Variants in UGT1A10 observed in about 807,000 individuals in gnomAD.
UGT1A10 encodes UDP glucuronosyltransferase family 1 member A10, also known as UDP-glucuronosyltransferase 1A10.
A neutral mutation model predicts 45.8 loss-of-function variants in UGT1A10; 49 were observed. The observed-to-expected ratio is 1.07, with a 90% CI of 0.85 to 1.36. The LOEUF (loss-of-function observed/expected upper bound fraction) is 1.36. Among genes scored for constraint, UGT1A10 ranks in the 40% most tolerant of loss-of-function variants. UGT1A10 has a pLI of 0.00. For synonymous variants in UGT1A10, 284 were observed against 249.7 expected (o/e 1.14, Z -1.29); for missense variants, 745 against 668.6 (o/e 1.11, Z -1.26).
intron 1 of UGT1A10, among the ~76,000 whole-genome samples, chr2:233,684,669 A>G (rs2074690541): frequency 6.6e-6 from 1 of 152,172 alleles, no homozygotes; most frequent in African/African-American, 2.4e-5. Flanking sequence ...TAAGGAATAT[A>G]CATATGATAG....
chr2:233,713,168 G>T (rs773495849), intron 1 of UGT1A10: 1 of 1,614,094 alleles, frequency 6.2e-7, no homozygotes, highest in Non-Finnish European at 8.5e-7. Context: ...ACCAGGTGGT[G>T]GTCCTCACCC....
At chr2:233,692,518 G>A (rs745597997) in intron 1 of UGT1A10, among the ~76,000 whole-genome samples, 2 of 152,138 alleles carry the variant, frequency 1.3e-5, no homozygotes, top group Admixed American at 6.5e-5. Context: ...TGTGGGGTCC[G>A]TGCTAACTCA....
At chr2:233,731,192 A>C (rs1451773849) in intron 1 of UGT1A10, among the ~76,000 whole-genome samples, 1 of 152,106 alleles carries the variant, frequency 6.6e-6, no homozygotes. Context: ...GTAATTATTC[A>C]ATTATAAAAT....
intron 1 of UGT1A10, chr2:233,672,190 C>A: frequency 6.2e-7 from 1 of 1,614,190 alleles, no homozygotes; most frequent in East Asian, 2.2e-5. Flanking sequence ...CCTGGAGGAT[C>A]TGGACCGGGA....
intron 1 of UGT1A10, chr2:233,690,788 C>T (rs1272756099): frequency 8.7e-7 from 1 of 1,145,542 alleles, no homozygotes; most frequent in African/African-American, 1.7e-5. Context: ...CACACACACA[C>T]ACACACACAC....
chr2:233,717,804 C>A (rs147106885), intron 1 of UGT1A10: 23 of 455,884 alleles, frequency 5.0e-5, no homozygotes, highest in African/African-American at 3.8e-4. Context: ...AGTGCCCCCA[C>A]AAATTATGCA....
At chr2:233,756,093 T>C (rs1696120614) in intron 1 of UGT1A10, 1 of 152,228 alleles carries the variant, frequency 6.6e-6, no homozygotes, top group Admixed American at 6.5e-5. Flanking sequence ...TCAAGTAACA[T>C]TATTACGGAA....
chr2:233,743,966 G>A, intron 1 of UGT1A10: 1 of 1,328,722 alleles, frequency 7.5e-7, no homozygotes, highest in Non-Finnish European at 1.0e-6. Flanking sequence ...GAGCGGCAAG[G>A]CTGCCAGCAC....
intron 1 of UGT1A10, among the ~76,000 whole-genome samples, chr2:233,658,471 A>G (rs1158634330): frequency 1.3e-5 from 2 of 152,228 alleles, no homozygotes; most frequent in Non-Finnish European, 2.9e-5. Context: ...CCCATCCTGG[A>G]TACCAAATGA....
intron 1 of UGT1A10, among the ~76,000 whole-genome samples, chr2:233,702,394 T>C (rs767929704): frequency 7.2e-5 from 11 of 152,332 alleles, no homozygotes; most frequent in Non-Finnish European, 1.5e-4. Context: ...TTCCAGATCA[T>C]GTTATCTACA....
intron 1 of UGT1A10, chr2:233,760,101 A>G (rs1697321956): frequency 2.6e-6 from 3 of 1,137,760 alleles, no homozygotes; most frequent in Admixed American, 5.6e-5. Context: ...GTTGTTGCCT[A>G]TTAAGAAACC....
intron 1 of UGT1A10, among the ~76,000 whole-genome samples, chr2:233,680,696 T>G (rs950458533): frequency 2.0e-5 from 3 of 152,096 alleles, no homozygotes; most frequent in African/African-American, 4.8e-5. Flanking sequence ...TGAAAACAGG[T>G]AGAAGATGTA....
intron 1 of UGT1A10, chr2:233,693,024 C>T (rs866045701): frequency 1.2e-6 from 2 of 1,614,158 alleles, no homozygotes; most frequent in Non-Finnish European, 1.7e-6. Context: ...CTCCTTCGCT[C>T]ATTTCAGAGA....
intron 1 of UGT1A10, among the ~76,000 whole-genome samples, chr2:233,669,055 T>G (rs1462807738): frequency 6.6e-6 from 1 of 152,232 alleles, no homozygotes; most frequent in Non-Finnish European, 1.5e-5. Flanking sequence ...GTAATGTGTT[T>G]TCCCGCTTTC....
chr2:233,703,233 A>G (rs1316206698), intron 1 of UGT1A10, among the ~76,000 whole-genome samples: 2 of 152,204 alleles, frequency 1.3e-5, no homozygotes, highest in Admixed American at 1.3e-4. Flanking sequence ...TCCTTGGCAT[A>G]AAATGGCCCA....
intron 2 of UGT1A10, among the ~76,000 whole-genome samples, chr2:233,767,480 G>T (rs1699402121): frequency 6.6e-6 from 1 of 152,144 alleles, no homozygotes; most frequent in South Asian, 2.1e-4. Flanking sequence ...ATATTAAATA[G>T]AAGTATTTCT....
chr2:233,669,104 C>T (rs1308459698), intron 1 of UGT1A10, among the ~76,000 whole-genome samples: 1 of 152,186 alleles, frequency 6.6e-6, no homozygotes, highest in Non-Finnish European at 1.5e-5. Flanking sequence ...GTCATCTTTT[C>T]CCCACAGAAT....
At chr2:233,692,429 G>A (rs1575447232) in intron 1 of UGT1A10, 1 of 155,914 alleles carries the variant, frequency 6.4e-6, no homozygotes, top group East Asian at 1.9e-4. Flanking sequence ...TCAGACAGAA[G>A]TTGTGGGTAA....
chr2:233,703,269 T>G (rs780470633), intron 1 of UGT1A10, among the ~76,000 whole-genome samples: 39 of 152,216 alleles, frequency 2.6e-4, no homozygotes, highest in Non-Finnish European at 4.9e-4. Context: ...ATACTTTCTG[T>G]TTCTGTAAGG....
Sources: gnomAD v4.1 joint callset for allele counts (sites outside exome capture counted in the v4.1 genomes callset) on GRCh38, gnomAD v4.1.1 for gene constraint, MANE v1.5 for transcripts, NCBI Gene and HGNC (gene_info 2026-07-23, HGNC 2026-07-21) for gene names.